Variants in NRXN2 observed in about 807,000 individuals in gnomAD.
The protein encoded by NRXN2 is neurexin 2, also known as neurexin-2-beta.
Under a neutral mutation model 128.8 loss-of-function variants are expected in NRXN2, and 29 were observed. That is an observed-to-expected ratio of 0.23 (90% CI 0.17 to 0.31). The LOEUF (loss-of-function observed/expected upper bound fraction) is 0.31. Among genes scored for constraint, NRXN2 ranks in the 10% least tolerant of loss-of-function variants. The probability of loss-of-function intolerance (pLI) is 1.00; values close to 1 mark genes in which losing one functional copy is unlikely to be tolerated. For missense variants in NRXN2, 1,881 were observed against 2,452.6 expected (o/e 0.77, Z 4.92); for synonymous variants, 1,098 against 1,075.2 (o/e 1.02, Z -0.41).
At chr11:64,642,557 G>A (rs2045868725) in intron 17 of NRXN2, 2 of 1,610,490 alleles carry the variant, frequency 1.2e-6, no homozygotes, top group Non-Finnish European at 1.7e-6. Context: ...CCGCGGGTGA[G>A]GAAGGGCATG....
chr11:64,650,278 C>A (rs916911145), intron 15 of NRXN2, among the ~76,000 whole-genome samples, 170 bp downstream of exon 15: 15 of 152,002 alleles, frequency 9.9e-5, no homozygotes, highest in African/African-American at 2.9e-4. Flanking sequence ...GAGAGCCAAG[C>A]AGAACTTGGA....
chr11:64,654,096 T>C (rs1003346714), intron 11 of NRXN2, among the ~76,000 whole-genome samples: 4 of 151,904 alleles, frequency 2.6e-5, no homozygotes, highest in African/African-American at 9.7e-5. Flanking sequence ...ACATCTCCCC[T>C]GTCTCTGGGA....
chr11:64,643,670 C>G (rs997763762), intron 17 of NRXN2, among the ~76,000 whole-genome samples: 1 of 151,324 alleles, frequency 6.6e-6, no homozygotes, highest in African/African-American at 2.4e-5. Flanking sequence ...AGAGCGGCTC[C>G]CGATCTGCGG....
intron 22 of NRXN2, among the ~76,000 whole-genome samples, chr11:64,609,091 C>T (rs915326240): frequency 3.4e-4 from 51 of 151,734 alleles, no homozygotes; most frequent in African/African-American, 1.2e-3. Flanking sequence ...GGTCCTGTCC[C>T]GTAGGACTCT....
At chr11:64,641,771 G>T (rs1055268844) in intron 17 of NRXN2, among the ~76,000 whole-genome samples, 1 of 152,080 alleles carries the variant, frequency 6.6e-6, no homozygotes, top group Non-Finnish European at 1.5e-5. Context: ...ACTGACACAG[G>T]AGGGGAAGCC....
rs752946128 is a variant in NRXN2 at position 64,622,757 on chromosome 11, G to C, written c.4169C>G (p.Thr1390Ser). The change falls in exon 21 of 23, where the codon ACC (threonine) becomes AGC (serine). Residue 1390 changes from threonine to serine, a missense_variant. Physicochemically the swap from Thr to Ser is moderately conservative, Grantham distance 58. Around this residue, in one of 7 missense-constraint regions of NRXN2, gnomAD observed 108 missense variants for 165.2 expected, o/e 0.65. Coordinates refer to ENST00000265459, the MANE Select transcript of NRXN2 (RefSeq NM_015080.4). The surrounding 1 kb of genome is among the most constrained non-coding windows in gnomAD (Gnocchi z 4.3). ...GRSPTLRDST[T>S]QNTDDLLVAS... ...CCAGCCAGAGTGGGGCCTCACCTGG[G>C]TGGTGCTGTCCCTCAGTGTGGGGGA... 4 of 1,607,774 alleles carry C rather than the reference G, an allele frequency of 2.5e-6. No homozygotes were observed. The South Asian group carries it at 4.4e-5, about 18-fold the overall frequency.
intron 1 of NRXN2, among the ~76,000 whole-genome samples, chr11:64,719,721 T>C (rs146052526): frequency 6.6e-6 from 1 of 152,232 alleles, no homozygotes; most frequent in African/African-American, 2.4e-5. Context: ...AGCTTACCTA[T>C]GCTGTGCACA....
chr11:64,653,641 C>A, intron 12 of NRXN2, 55 bp downstream of exon 12: 1 of 1,524,850 alleles, frequency 6.6e-7, no homozygotes, highest in Non-Finnish European at 9.0e-7. Flanking sequence ...TAAATCCCAG[C>A]GTCCAGCATC....
intron 3 of NRXN2, among the ~76,000 whole-genome samples, chr11:64,695,070 G>C (rs1462910315): frequency 1.3e-5 from 2 of 152,214 alleles, no homozygotes; most frequent in Non-Finnish European, 2.9e-5. Context: ...GTGAAGGGGA[G>C]GCTGGTTCCC....
At chr11:64,665,836 C>G (rs1445581406) in intron 9 of NRXN2, among the ~76,000 whole-genome samples, 1 of 152,166 alleles carries the variant, frequency 6.6e-6, no homozygotes, top group Non-Finnish European at 1.5e-5. Context: ...ATAATTCTCT[C>G]ATGTTCAACA....
chr11:64,612,023 A>G (rs1459531969), intron 22 of NRXN2, among the ~76,000 whole-genome samples: 2 of 151,826 alleles, frequency 1.3e-5, no homozygotes, highest in East Asian at 3.9e-4. Context: ...ACAAGATAAA[A>G]GGCTCTGGAG....
At chr11:64,645,317 G>A (rs1236933498) in intron 17 of NRXN2, among the ~76,000 whole-genome samples, 2 of 152,134 alleles carry the variant, frequency 1.3e-5, no homozygotes, top group Non-Finnish European at 2.9e-5. Flanking sequence ...ACTGGAGAGA[G>A]ATGGGGGGGC....
chr11:64,626,540 T>A lies in NRXN2; in HGVS notation c.3770A>T (p.Asn1257Ile). ...NERYPAGNFD[N>I]ERLAIARQRI... ...CTGTCTAGCAATCGCCAGGCGCTCG[T>A]TATCAAAGTTTCCTTGGAAAAGTTT... The change falls in exon 20 of 23, where the codon AAC becomes ATC. Residue 1257 changes from asparagine to isoleucine, a missense_variant. Physicochemically the swap from Asn to Ile is moderately radical, Grantham distance 149. Coordinates refer to ENST00000265459, the MANE Select transcript of NRXN2 (RefSeq NM_015080.4). The A allele has an allele frequency of 6.2e-7, 1 of 1,613,938 alleles. No homozygotes were observed. The highest frequency in any genetic ancestry group is 8.5e-7 in the Non-Finnish European group (1 of 1,179,862).
chr11:64,636,934 A>T (rs2044812706), intron 17 of NRXN2, among the ~76,000 whole-genome samples: 1 of 152,098 alleles, frequency 6.6e-6, no homozygotes, highest in Non-Finnish European at 1.5e-5. Flanking sequence ...TAGGACCCCA[A>T]AGGGGAGGGG....
chr11:64,608,917 T>C (rs1480269571), intron 22 of NRXN2, among the ~76,000 whole-genome samples: 1 of 151,818 alleles, frequency 6.6e-6, no homozygotes, highest in Non-Finnish European at 1.5e-5. Context: ...GGCAGCCATG[T>C]AGGGATTGCT....
At chr11:64,668,654 A>C in intron 7 of NRXN2, 50 bp from the exon 8 acceptor site, 1 of 1,605,702 alleles carries the variant, frequency 6.2e-7, no homozygotes, top group Non-Finnish European at 8.5e-7. Flanking sequence ...CCAACATCAA[A>C]TCCCTAGGAA....
intron 1 of NRXN2, among the ~76,000 whole-genome samples, chr11:64,716,301 T>C (rs1411100320): frequency 7.0e-6 from 1 of 142,738 alleles, no homozygotes; most frequent in Admixed American, 6.9e-5. Flanking sequence ...CCCACCCCCA[T>C]CCCAGTCCCC....
intron 22 of NRXN2, among the ~76,000 whole-genome samples, chr11:64,619,184 A>T (rs2041959326): frequency 6.6e-6 from 1 of 151,838 alleles, no homozygotes; most frequent in Admixed American, 6.6e-5. Context: ...TGGTACCAAC[A>T]ACCCAGGTGC....
intron 11 of NRXN2, among the ~76,000 whole-genome samples, chr11:64,657,735 G>A (rs1195645141): frequency 6.6e-6 from 1 of 152,208 alleles, no homozygotes; most frequent in Non-Finnish European, 1.5e-5. Context: ...TGGCTGGGTA[G>A]GGGCCACCTG....
Sources: allele counts gnomAD v4.1 joint callset (sites outside exome capture counted in the v4.1 genomes callset), GRCh38; gene constraint gnomAD v4.1.1; regional missense constraint gnomAD v4.1.1; non-coding constraint Gnocchi (gnomAD v3.1); transcripts MANE v1.5; gene names NCBI Gene and HGNC (gene_info 2026-07-23, HGNC 2026-07-21).